The following GDPD5 variants were observed in gnomAD, a reference collection of about 807,000 sequenced individuals.
GDPD5 encodes the protein glycerophosphodiester phosphodiesterase 2.
Under a neutral mutation model 75.1 loss-of-function variants are expected in GDPD5, and 48 were observed. The observed-to-expected ratio is 0.64, with a 90% CI of 0.51 to 0.81. GDPD5 has a LOEUF of 0.81. GDPD5 is among the 40% of genes least tolerant of loss of function. The probability of loss-of-function intolerance (pLI) is 0.00; values close to 1 mark genes in which losing one functional copy is unlikely to be tolerated. For synonymous variants in GDPD5, 336 were observed against 339.0 expected, an observed-to-expected ratio of 0.99 and a Z score of 0.10; for missense variants, 706 against 822.6, an observed-to-expected ratio of 0.86 and a Z score of 1.73.
At chr11:75,521,949 A>C (rs1317804758) in intron 1 of GDPD5, among the ~76,000 whole-genome samples, 1 of 152,122 alleles carries the variant, frequency 6.6e-6, no homozygotes, top group Non-Finnish European at 1.5e-5. Context: ...GGCCGTAAGG[A>C]GCCACAGAGG....
At chr11:75,452,195 G>A (rs1350023211) in intron 6 of GDPD5, 2 of 152,226 alleles carry the variant, frequency 1.3e-5, no homozygotes, top group East Asian at 3.9e-4. Flanking sequence ...TGGCCTCTGG[G>A]TTTTGCAGTC....
At position 75,496,976 on chromosome 11, in the gene GDPD5, T is replaced by C. The variant is rs1950223345; in HGVS notation, c.-144-6656A>G. On this transcript the variant is annotated intron_variant, in intron 1 of 16. Coordinates refer to ENST00000336898, the MANE Select transcript of GDPD5 (RefSeq NM_030792.8). ...TTGTATTTTTTTTGTAGAGACGGGG[T>C]TTTGCCATGTTGCCCAGGCTGGTCT... 2.6e-5 allele frequency among the ~76,000 whole-genome samples: 4 copies of C among 151,582 alleles called. No individual in the cohort carries two copies. The South Asian group carries it at 8.4e-4, about 32-fold the overall frequency.
At chr11:75,457,912 GC>G in intron 4 of GDPD5, 126 bp from the exon 5 acceptor site, 1 of 668,620 alleles carries the variant, frequency 1.5e-6, no homozygotes, top group Non-Finnish European at 2.6e-6. Context: ...TGCCCACCTA[GC>G]AATAAGGCTC....
intron 6 of GDPD5, chr11:75,452,429 G>A (rs1012995752): frequency 1.3e-5 from 2 of 152,230 alleles, no homozygotes; most frequent in African/African-American, 4.8e-5. Flanking sequence ...AGAAGAAAAT[G>A]CTTACTAAAT....
At chr11:75,483,008 T>A (rs1949949694) in intron 2 of GDPD5, among the ~76,000 whole-genome samples, 1 of 152,094 alleles carries the variant, frequency 6.6e-6, no homozygotes, top group African/African-American at 2.4e-5. Context: ...TACACCACAC[T>A]CGGCCGCCGG....
intron 15 of GDPD5, chr11:75,438,605 G>A (rs1199134702): frequency 6.6e-6 from 1 of 152,332 alleles, no homozygotes; most frequent in African/African-American, 2.4e-5. Flanking sequence ...GCTGATTGGT[G>A]AAGCTGCCTG....
intron 3 of GDPD5, among the ~76,000 whole-genome samples, chr11:75,472,641 G>A (rs922441294): frequency 7.2e-5 from 11 of 152,176 alleles, no homozygotes; most frequent in East Asian, 3.9e-4. Context: ...TTAGGGGTCC[G>A]GCTGCCCCAC....
chr11:75,486,338 G>A (rs946572616), intron 2 of GDPD5, among the ~76,000 whole-genome samples: 2 of 152,178 alleles, frequency 1.3e-5, no homozygotes, highest in African/African-American at 4.8e-5. Flanking sequence ...GAAAGTGGCA[G>A]GAAGGCCCAT....
intron 1 of GDPD5, among the ~76,000 whole-genome samples, chr11:75,494,044 AATTT>A (rs1427315984): frequency 6.6e-6 from 1 of 152,136 alleles, no homozygotes; most frequent in East Asian, 1.9e-4. Flanking sequence ...AATTTTCAAA[AATTT>A]AATTAATATT....
intron 3 of GDPD5, among the ~76,000 whole-genome samples, chr11:75,474,514 T>G (rs530201650): frequency 6.6e-6 from 1 of 152,298 alleles, no homozygotes; most frequent in East Asian, 1.9e-4. Context: ...GCTGCCAGGC[T>G]CCTCCACTCC....
intron 3 of GDPD5, among the ~76,000 whole-genome samples, chr11:75,468,675 C>T (rs936313070): frequency 4.8e-4 from 73 of 150,892 alleles, no homozygotes; most frequent in Admixed American, 4.7e-3. Context: ...TGCCCTCCCC[C>T]GACGCCCCCC....
At chr11:75,456,371 C>T (rs1949286014) in intron 6 of GDPD5, among the ~76,000 whole-genome samples, 1 of 152,140 alleles carries the variant, frequency 6.6e-6, no homozygotes, top group African/African-American at 2.4e-5. Context: ...CAGGTGAGAC[C>T]CGAGGCAGGG....
At chr11:75,498,366 C>T (rs575142588) in intron 1 of GDPD5, among the ~76,000 whole-genome samples, 1 of 152,342 alleles carries the variant, frequency 6.6e-6, no homozygotes, top group South Asian at 2.1e-4. Flanking sequence ...TATGGAAACA[C>T]AGAGTGGGTG....
At chr11:75,496,934 C>T (rs1950221903) in intron 1 of GDPD5, among the ~76,000 whole-genome samples, 1 of 151,888 alleles carries the variant, frequency 6.6e-6, no homozygotes. Flanking sequence ...GTATGTGCTA[C>T]CATACCCGGC....
At chr11:75,461,811 G>A (rs1949420246) in intron 4 of GDPD5, among the ~76,000 whole-genome samples, 2 of 152,230 alleles carry the variant, frequency 1.3e-5, no homozygotes, top group African/African-American at 4.8e-5. Flanking sequence ...GGGGAGTGAG[G>A]AGCCAGGCTT....
intron 9 of GDPD5, among the ~76,000 whole-genome samples, chr11:75,447,405 A>T (rs1360722859): frequency 1.3e-5 from 2 of 152,122 alleles, no homozygotes; most frequent in Non-Finnish European, 2.9e-5. Context: ...CATCTTTCTG[A>T]AGTCCTCATG....
intron 10 of GDPD5, 44 bp downstream of exon 10, chr11:75,444,369 G>A (rs746317429): frequency 1.1e-4 from 157 of 1,424,144 alleles, no homozygotes; most frequent in Admixed American, 2.5e-4. Context: ...ATGCCGAAGC[G>A]TGTGGGAGGG....
At chr11:75,522,087 C>T (rs1180559009) in intron 1 of GDPD5, among the ~76,000 whole-genome samples, 1 of 152,112 alleles carries the variant, frequency 6.6e-6, no homozygotes, top group African/African-American at 2.4e-5. Context: ...CAAGTTCTCC[C>T]TACCTCTCGG....
intron 9 of GDPD5, 124 bp downstream of exon 9, chr11:75,448,853 C>T (rs1949053600): frequency 6.4e-6 from 8 of 1,254,964 alleles, no homozygotes; most frequent in Non-Finnish European, 8.4e-6. Context: ...CCAGTCCTTC[C>T]CATGTACCTC....
Sources: allele counts gnomAD v4.1 joint callset (sites outside exome capture counted in the v4.1 genomes callset), GRCh38; gene constraint gnomAD v4.1.1; transcripts MANE v1.5; gene names NCBI Gene and HGNC (gene_info 2026-07-23, HGNC 2026-07-21).